PARP10: variants seen among roughly 807,000 people sequenced by gnomAD.
The protein encoded by PARP10 is poly(ADP-ribose) polymerase family member 10.
Under a neutral mutation model 82.4 loss-of-function variants are expected in PARP10, and 56 were observed. The observed-to-expected ratio is 0.68, with a 90% CI of 0.55 to 0.85. PARP10 has a LOEUF of 0.85. PARP10 is among the 40% of genes least tolerant of loss of function. The probability of loss-of-function intolerance (pLI) is 0.00; values close to 1 mark genes in which losing one functional copy is unlikely to be tolerated. For synonymous variants in PARP10, 576 were observed against 601.1 expected (o/e 0.96, Z 0.61); for missense variants, 1,227 against 1,379.4 (o/e 0.89, Z 1.75).
At chr8:144,002,040 G>GT (rs1834206728) in intron 1 of PARP10, among the ~76,000 whole-genome samples, 1 of 151,746 alleles carries the variant, frequency 6.6e-6, no homozygotes, top group South Asian at 2.1e-4. Flanking sequence ...AATACTCTAG[G>GT]GAAAAAAAGG....
chr8:143,991,208 C>G (rs1355866890), upstream of PARP10: 2 of 1,553,334 alleles, frequency 1.3e-6, no homozygotes, highest in Non-Finnish European at 1.7e-6. Flanking sequence ...AGGGGCGGAC[C>G]GCGGAACCCG....
chr8:143,994,293 T>TG (rs1165983298), upstream of PARP10, among the ~76,000 whole-genome samples: 1 of 151,298 alleles, frequency 6.6e-6, no homozygotes, highest in African/African-American at 2.4e-5. Flanking sequence ...TCCTGAAACC[T>TG]GCTCCTGCAT....
At chr8:143,993,083 C>G, upstream of PARP10, 1 of 514,380 alleles carries the variant, frequency 1.9e-6, no homozygotes. Flanking sequence ...GCCACGTTTC[C>G]GTGCCACCTC....
intron 1 of PARP10, among the ~76,000 whole-genome samples, chr8:143,997,094 C>G (rs1554751366): frequency 1.3e-5 from 2 of 152,204 alleles, no homozygotes; most frequent in Non-Finnish European, 2.9e-5. Context: ...AGCAGGATGG[C>G]TTGGCTCATG....
Position 143,977,820 on chromosome 8 carries a change from G to A in PARP10, c.2742C>T (p.Tyr914=), listed in dbSNP as rs782626281. ...RSFCGRNATV[Y]GKGVYFARRA... ...GCCTGGCGAAATACACGCCCTTCCC[G>A]TAGACCGTGGCTGCAGGGCGAGACG... The change falls in exon 11 of 11, where the codon TAC becomes TAT. Residue 914 remains tyrosine, a synonymous_variant. Coordinates refer to ENST00000313028, the MANE Select transcript of PARP10 (RefSeq NM_032789.5). The A allele has an allele frequency of 2.5e-6, 4 of 1,598,444 alleles. No individual in the cohort carries two copies. The highest frequency in any genetic ancestry group is 2.7e-5 in the African/African-American group (2 of 74,472).
At chr8:143,986,601 G>A (rs1199578416), upstream of PARP10, 2 of 631,298 alleles carry the variant, frequency 3.2e-6, no homozygotes, top group African/African-American at 1.8e-5. Context: ...GGACCCCTCA[G>A]GACCCTCCAG....
chr8:144,010,766 T>A (rs1297482137), intron 1 of PARP10, among the ~76,000 whole-genome samples: 8 of 152,154 alleles, frequency 5.3e-5, no homozygotes, highest in African/African-American at 1.2e-4. Flanking sequence ...ACACCTGTAG[T>A]CTCAGCTACT....
Position 143,977,993 on chromosome 8 carries a change from T to C in PARP10, c.2645A>G (p.Glu882Gly). The C allele has an allele frequency of 1.3e-6, 2 of 1,593,396 alleles. No homozygotes were observed. The highest frequency in any genetic ancestry group is 1.7e-6 in the Non-Finnish European group (2 of 1,176,156). Residue 882 changes from glutamate (E) to glycine (G), a missense_variant, in exon 10 of 11, where the codon GAG (glutamate) becomes GGG (glycine). Transcript: ENST00000313028. ...CGTCGTGCCGTGGTACAGCACCTGC[T>C]CCACCGGGCGCCGCTCGCATCGCTG... ...LLQRCERRPV[E>G]QVLYHGTTAP...
rs782128562 is a variant in PARP10, at chr8:143,984,375, C to T, written c.1515G>A (p.Leu505=). ...ACAACACATGGCAGCTAATGCTGCC[C>T]AGCAGGCTCCGCAGAAACTCCTCAG... ...QAAEEFLRSL[L]GSISCHVLCL... The change falls in exon 6 of 11, where the codon CTG becomes CTA. Residue 505 remains leucine, a synonymous_variant. Coordinates refer to ENST00000313028, the MANE Select transcript of PARP10 (RefSeq NM_032789.5). The T allele has an allele frequency of 1.9e-6, 3 of 1,612,962 alleles. No homozygotes were observed. The highest frequency in any genetic ancestry group is 1.3e-5 in the African/African-American group (1 of 74,914).
Position 143,982,968 on chromosome 8 carries a change from G to A in PARP10, c.2520C>T (p.Thr840=). 3 of 1,613,920 alleles carry A rather than the reference G, an allele frequency of 1.9e-6. No homozygotes were observed. The highest frequency in any genetic ancestry group is 1.7e-5 in the Admixed American group (1 of 60,032). The stretch of plus-strand genomic sequence containing the variant: ...GGATGCTGCTGCGGGCAGCGTCCAG[G>A]GTGTCGTAGAAGGCCCGCACCACCT... ...FQEVVRAFYD[T]LDAARSSIRV... is the part of the protein sequence containing the mutation. Residue 840 remains threonine (T), a synonymous_variant, in exon 9 of 11, where the codon ACC becomes ACT. Transcript: ENST00000313028.
intron 9 of PARP10, among the ~76,000 whole-genome samples, chr8:143,978,305 G>A (rs768124433): frequency 1.3e-5 from 2 of 152,124 alleles, no homozygotes; most frequent in East Asian, 3.9e-4. Context: ...TCCCCCTCCC[G>A]TGGAGGTCTG....
upstream of PARP10, chr8:143,991,640 G>C: frequency 6.3e-7 from 1 of 1,592,014 alleles, no homozygotes; most frequent in Non-Finnish European, 8.6e-7. Flanking sequence ...TGGCCGGGAG[G>C]GCAGGGGGAG....
intron 1 of PARP10, among the ~76,000 whole-genome samples, chr8:144,004,212 G>C (rs1235360833): frequency 6.6e-6 from 1 of 151,930 alleles, no homozygotes; most frequent in East Asian, 1.9e-4. Flanking sequence ...TCAGGAGGCT[G>C]AGGCAGTAGG....
In PARP10 at chr8:144,008,547, G is replaced by A. The variant is rs1054507760; in HGVS notation, c.-80+3983C>T. Among the ~76,000 whole-genome samples the A allele has an allele frequency of 1.3e-5, 2 of 152,170 alleles. No homozygotes were observed. The highest frequency in any genetic ancestry group is 6.5e-5 in the Admixed American group (1 of 15,282). ...GGTTTGTTCACAGTGAGCCCCTAAC[G>A]GGCCGGGAGGAGCGCAAACCCCGAG... On this transcript the variant is annotated intron_variant, in intron 1 of 3. Transcript: ENST00000530478. The surrounding 1 kb of genome is among the most constrained non-coding windows in gnomAD (Gnocchi z 4.0).
chr8:144,001,657 G>GGTCA (rs1834203644), intron 1 of PARP10, among the ~76,000 whole-genome samples: 1 of 152,100 alleles, frequency 6.6e-6, no homozygotes, highest in Non-Finnish European at 1.5e-5. Flanking sequence ...AGTGAGCAGA[G>GGTCA]GTCACGCCAT....
intron 1 of PARP10, among the ~76,000 whole-genome samples, chr8:144,005,892 G>A (rs1409916879): frequency 3.3e-5 from 5 of 151,946 alleles, no homozygotes; most frequent in African/African-American, 9.7e-5. Flanking sequence ...CCTTCCGCAC[G>A]GAGCACAGAC....
chr8:143,996,908 G>C (rs1324830985), intron 1 of PARP10, among the ~76,000 whole-genome samples: 1 of 152,104 alleles, frequency 6.6e-6, no homozygotes, highest in East Asian at 1.9e-4. Context: ...CCTTGAGATG[G>C]TTTAAGTAGA....
At chr8:143,992,778 G>A (rs1834122647), upstream of PARP10, 1 of 1,613,766 alleles carries the variant, frequency 6.2e-7, no homozygotes, top group African/African-American at 1.3e-5. Context: ...CGCTGAACCT[G>A]TACACAGACA....
Position 143,977,766 on chromosome 8 carries a change from G to A in PARP10, c.2796C>T (p.Tyr932=). 6.2e-7 allele frequency: 1 copy of A among 1,604,736 alleles called. No homozygotes were observed. Among genetic ancestry groups the A allele is most frequent in the Non-Finnish European group, 8.5e-7 (1 of 1,176,388 alleles). ...TATGGCCATCGGCGTTGGGGGGCGAGTAGCGGTCCTGCACCGACAGGGAGG... is the reference window on the plus strand; with the variant it reads ...TATGGCCATCGGCGTTGGGGGGCGAATAGCGGTCCTGCACCGACAGGGAGG... ...RRASLSVQDR[Y]SPPNADGHKA... The change falls in exon 11 of 11, where the codon TAC becomes TAT. Residue 932 remains tyrosine, a synonymous_variant. Coordinates refer to ENST00000313028, the MANE Select transcript of PARP10 (RefSeq NM_032789.5).
Sources: gnomAD v4.1 joint callset for allele counts (sites outside exome capture counted in the v4.1 genomes callset) on GRCh38, gnomAD v4.1.1 for gene constraint, Gnocchi (gnomAD v3.1) non-coding constraint, MANE v1.5 for transcripts, NCBI Gene and HGNC (gene_info 2026-07-23, HGNC 2026-07-21) for gene names.